Variants in PTPRD observed in about 807,000 individuals in gnomAD.
PTPRD encodes the protein protein tyrosine phosphatase receptor type D, also known as receptor-type tyrosine-protein phosphatase delta.
PTPRD carries 34 observed loss-of-function variants against 214.5 expected under a neutral mutation model. The ratio of observed to expected loss-of-function variants is 0.16; its 90% CI spans 0.12 to 0.21. PTPRD has a LOEUF of 0.21. Ranked by LOEUF, PTPRD falls within the 10% of genes least tolerant of loss-of-function variation. The probability of loss-of-function intolerance (pLI) is 1.00; values close to 1 mark genes in which losing one functional copy is unlikely to be tolerated. For synonymous variants in PTPRD, 1,128 were observed against 845.7 expected (o/e 1.33, Z -5.79); for missense variants, 2,545 against 2,398.7 (o/e 1.06, Z -1.27).
chr9:10,483,360 A>G (rs1263940666), intron 2 of PTPRD, among the ~76,000 whole-genome samples: 1 of 152,152 alleles, frequency 6.6e-6, no homozygotes, highest in African/African-American at 2.4e-5. Flanking sequence ...ACTATTCTGG[A>G]TACTGGCCTA....
intron 6 of PTPRD, among the ~76,000 whole-genome samples, chr9:9,765,878 G>C (rs1248747060): frequency 6.6e-6 from 1 of 152,076 alleles, no homozygotes; most frequent in African/African-American, 2.4e-5. Flanking sequence ...TAGCCAGGAT[G>C]GTCTCGATCT....
chr9:9,246,150 A>G (rs974813438), intron 9 of PTPRD, among the ~76,000 whole-genome samples: 3 of 152,072 alleles, frequency 2.0e-5, no homozygotes, highest in Non-Finnish European at 4.4e-5. Flanking sequence ...GAAGAAAGGT[A>G]GAGTGAATTC....
intron 4 of PTPRD, among the ~76,000 whole-genome samples, chr9:10,011,617 G>A (rs2096601753): frequency 6.6e-6 from 1 of 151,778 alleles, no homozygotes; most frequent in Non-Finnish European, 1.5e-5. Context: ...TAATATTTGT[G>A]TTTTTGGTTT....
intron 37 of PTPRD, among the ~76,000 whole-genome samples, chr9:8,380,525 C>A (rs1490604543): frequency 2.0e-5 from 3 of 152,146 alleles, no homozygotes; most frequent in Admixed American, 6.5e-5. Flanking sequence ...TTCATTATCA[C>A]AAAGTTATTA....
intron 2 of PTPRD, among the ~76,000 whole-genome samples, chr9:10,536,895 T>C (rs1274109611): frequency 6.6e-6 from 1 of 152,172 alleles, no homozygotes; most frequent in Non-Finnish European, 1.5e-5. Flanking sequence ...CAATGCTTTA[T>C]TTCCAGCTAT....
At chr9:10,321,904 G>T (rs927021249) in intron 3 of PTPRD, among the ~76,000 whole-genome samples, 2 of 151,932 alleles carry the variant, frequency 1.3e-5, no homozygotes, top group African/African-American at 4.8e-5. Context: ...TTTTAACTTT[G>T]AAATGAATGT....
At chr9:10,138,334 C>A (rs1460376136) in intron 3 of PTPRD, among the ~76,000 whole-genome samples, 3 of 151,902 alleles carry the variant, frequency 2.0e-5, no homozygotes, top group Non-Finnish European at 4.4e-5. Context: ...CAAGATTGAA[C>A]CATGAAAAAA....
chr9:9,594,701 G>A (rs1338096484), intron 7 of PTPRD, among the ~76,000 whole-genome samples: 1 of 152,088 alleles, frequency 6.6e-6, no homozygotes, highest in Non-Finnish European at 1.5e-5. Flanking sequence ...ATCAGGTAAT[G>A]TGATGCCTCT....
intron 10 of PTPRD, among the ~76,000 whole-genome samples, chr9:9,160,605 A>T (rs905444099): frequency 6.6e-6 from 1 of 152,192 alleles, no homozygotes; most frequent in African/African-American, 2.4e-5. Flanking sequence ...TACTGCCATT[A>T]TAGAAAATGG....
chr9:9,422,175 A>G (rs1308275550), intron 8 of PTPRD, among the ~76,000 whole-genome samples: 4 of 152,126 alleles, frequency 2.6e-5, no homozygotes, highest in Admixed American at 2.0e-4. Context: ...AATATGTGAG[A>G]TAAGTACAAT....
chr9:10,533,530 GGT>G (rs554840054), intron 2 of PTPRD, among the ~76,000 whole-genome samples: 1 of 137,046 alleles, frequency 7.3e-6, no homozygotes, highest in South Asian at 2.4e-4. Flanking sequence ...TCTAATTTTT[GGT>G]GTTTTTTTTT....
intron 2 of PTPRD, among the ~76,000 whole-genome samples, chr9:10,465,591 T>C (rs142055300): frequency 1.2e-3 from 177 of 152,320 alleles, no homozygotes; most frequent in African/African-American, 3.6e-3. Flanking sequence ...GTAGCCATTG[T>C]AACTTCATAC....
intron 9 of PTPRD, among the ~76,000 whole-genome samples, chr9:9,263,190 C>G (rs1312972705): frequency 6.6e-6 from 1 of 151,604 alleles, no homozygotes. Context: ...ATAAATCATT[C>G]AAATTTATTA....
chr9:9,110,975 C>A (rs1256721245), intron 10 of PTPRD, among the ~76,000 whole-genome samples: 1 of 152,050 alleles, frequency 6.6e-6, no homozygotes, highest in African/African-American at 2.4e-5. Context: ...CTATCTGGTC[C>A]TGTACAGAAA....
At chr9:9,872,517 C>T (rs532598975) in intron 5 of PTPRD, among the ~76,000 whole-genome samples, 41 of 152,018 alleles carry the variant, frequency 2.7e-4, no homozygotes, top group Non-Finnish European at 5.0e-4. Flanking sequence ...GGGAGGATTG[C>T]TTGAGCCGAG....
chr9:8,317,951 G>A lies in PTPRD; in HGVS notation c.5671-9C>T. The A allele has an allele frequency of 6.2e-7, 1 of 1,611,024 alleles. No individual in the cohort carries two copies. The highest frequency in any genetic ancestry group is 8.5e-7 in the Non-Finnish European group (1 of 1,177,866). ...GAAAACTGATATTGATCCTGCAGGA[G>A]ACAATGAATGGGGAGAAGCAAAAGA... On this transcript the variant is annotated splice_polypyrimidine_tract_variant and intron_variant, in intron 45 of 45. Transcript: ENST00000381196.
intron 9 of PTPRD, among the ~76,000 whole-genome samples, chr9:9,318,498 GCAAAGAAAC>G (rs1448192449): frequency 6.6e-6 from 1 of 152,060 alleles, no homozygotes. Flanking sequence ...TCCAGTTTGT[GCAAAGAAAC>G]CAAAGTATTA....
chr9:10,007,170 A>C (rs938553419), intron 4 of PTPRD, among the ~76,000 whole-genome samples: 1 of 151,988 alleles, frequency 6.6e-6, no homozygotes, highest in Non-Finnish European at 1.5e-5. Context: ...CAGGATTCAA[A>C]TGTAGGTGTT....
chr9:9,128,256 A>G (rs2099837136), intron 10 of PTPRD, among the ~76,000 whole-genome samples: 1 of 152,172 alleles, frequency 6.6e-6, no homozygotes, highest in South Asian at 2.1e-4. Context: ...TGAGGTATGT[A>G]TATCTATATT....
Sources: allele counts gnomAD v4.1 joint callset (sites outside exome capture counted in the v4.1 genomes callset), GRCh38; gene constraint gnomAD v4.1.1; transcripts MANE v1.5; gene names NCBI Gene and HGNC (gene_info 2026-07-23, HGNC 2026-07-21).